Variants in QKI observed in about 807,000 individuals in gnomAD.
The protein encoded by QKI is KH domain-containing RNA-binding protein QKI.
QKI carries 10 observed loss-of-function variants against 39.0 expected under a neutral mutation model. The ratio of observed to expected loss-of-function variants is 0.26; its 90% CI spans 0.16 to 0.43. The LOEUF (loss-of-function observed/expected upper bound fraction) is 0.43, where lower values mean the gene tolerates loss of function less well. QKI is among the 20% of genes least tolerant of loss of function. The pLI, the probability that QKI is intolerant of heterozygous loss-of-function variation, is 1.00. For missense variants in QKI, 218 were observed against 428.0 expected, an observed-to-expected ratio of 0.51 and a Z score of 4.33; for synonymous variants, 204 against 155.4, an observed-to-expected ratio of 1.31 and a Z score of -2.33.
At chr6:163,447,198 TTTTC>T (rs1407281551) in intron 1 of QKI, among the ~76,000 whole-genome samples, 6 of 151,750 alleles carry the variant, frequency 4.0e-5, no homozygotes, top group African/African-American at 1.5e-4. Flanking sequence ...TTGATTTACC[TTTTC>T]TTTATTTTTA....
chr6:163,439,330 G>GTTTTT (rs200238041), intron 1 of QKI, among the ~76,000 whole-genome samples: 1 of 120,706 alleles, frequency 8.3e-6, no homozygotes. Flanking sequence ...ATCCTTCGTG[G>GTTTTT]TTTTTTTTTG....
chr6:163,427,673 C>T (rs1788519531), intron 1 of QKI, among the ~76,000 whole-genome samples: 1 of 151,582 alleles, frequency 6.6e-6, no homozygotes, highest in Non-Finnish European at 1.5e-5. Context: ...GTGTGTGTGC[C>T]TGCATGTGTG....
rs78134487 is a variant in QKI, at chr6:163,486,298, T to A, written c.402+7402T>A. Among the ~76,000 whole-genome samples, 1,025 of 152,296 alleles carry A rather than the reference T, an allele frequency of 6.7e-3. 9 individuals carry two copies. Among genetic ancestry groups the A allele is most frequent in the African/African-American group, 0.023 (945 of 41,546 alleles). On this transcript the variant is annotated intron_variant, in intron 3 of 7. Transcript: ENST00000361752. The stretch of plus-strand genomic sequence containing the variant: ...GGGCTTTGAAATAAATTGGTAATAG[T>A]TTTTAACTTAATATTTGTTTCCCAA...
chr6:163,508,579 G>A (rs1243899264), intron 3 of QKI, among the ~76,000 whole-genome samples: 1 of 149,086 alleles, frequency 6.7e-6, no homozygotes, highest in African/African-American at 2.5e-5. Context: ...GCCCAGGCTG[G>A]AGTGCAGTGG....
At chr6:163,517,700 G>A (rs1683463010) in intron 3 of QKI, among the ~76,000 whole-genome samples, 1 of 152,034 alleles carries the variant, frequency 6.6e-6, no homozygotes, top group African/African-American at 2.4e-5. Flanking sequence ...ATCCCAACTG[G>A]AAACATACAA....
chr6:163,558,309 A>G (rs1487052834), intron 4 of QKI, among the ~76,000 whole-genome samples: 5 of 152,108 alleles, frequency 3.3e-5, no homozygotes, highest in East Asian at 3.9e-4. Context: ...ACCAAATCTC[A>G]TTGTCAAAAC....
intron 4 of QKI, among the ~76,000 whole-genome samples, chr6:163,552,480 G>C (rs377687193): frequency 6.6e-6 from 1 of 152,070 alleles, no homozygotes; most frequent in South Asian, 2.1e-4. Context: ...GAAGTGCTGG[G>C]ATTACAGGCG....
chr6:163,530,361 T>G (rs1780775345), intron 3 of QKI, among the ~76,000 whole-genome samples: 1 of 152,196 alleles, frequency 6.6e-6, no homozygotes, highest in Non-Finnish European at 1.5e-5. Context: ...GGATTCTTAC[T>G]ATGGATATTT....
intron 2 of QKI, among the ~76,000 whole-genome samples, chr6:163,470,336 A>G (rs182682029): frequency 1.0e-3 from 152 of 152,232 alleles, no homozygotes; most frequent in African/African-American, 3.6e-3. Flanking sequence ...AGGAGGTTGC[A>G]GGTCCTCACA....
intron 3 of QKI, among the ~76,000 whole-genome samples, chr6:163,483,905 T>TGAAAGACCTATAGCTAA (rs1262131065): frequency 6.6e-6 from 1 of 152,232 alleles, no homozygotes; most frequent in Non-Finnish European, 1.5e-5. Flanking sequence ...TATAGGCCTA[T>TGAAAGACCTATAGCTAA]GAAAGACATT....
At chr6:163,563,140 C>A (rs1783135495) in intron 5 of QKI, among the ~76,000 whole-genome samples, 1 of 152,140 alleles carries the variant, frequency 6.6e-6, no homozygotes, top group African/African-American at 2.4e-5. Flanking sequence ...TTAGATATAT[C>A]AAATGTATGA....
intron 1 of QKI, among the ~76,000 whole-genome samples, chr6:163,424,199 G>GA (rs965483279): frequency 1.3e-5 from 2 of 151,202 alleles, no homozygotes; most frequent in African/African-American, 2.4e-5. Context: ...ATTTTTTTAA[G>GA]AAAAAAAAAT....
chr6:163,466,434 A>G (rs951810919), intron 2 of QKI, among the ~76,000 whole-genome samples: 1 of 98,050 alleles, frequency 1.0e-5, no homozygotes, highest in East Asian at 3.8e-4. Flanking sequence ...AAAGCACCTA[A>G]TCGCCAAAAC....
intron 2 of QKI, among the ~76,000 whole-genome samples, chr6:163,467,252 A>G (rs745576629): frequency 1.3e-5 from 2 of 152,230 alleles, no homozygotes; most frequent in Non-Finnish European, 2.9e-5. Flanking sequence ...CCATTTCACA[A>G]TGTATACCTT....
intron 3 of QKI, among the ~76,000 whole-genome samples, chr6:163,495,073 A>G (rs1281754118): frequency 6.6e-6 from 1 of 151,826 alleles, no homozygotes; most frequent in African/African-American, 2.4e-5. Context: ...GTGTCAAAAC[A>G]CCTGGCTAAT....
intron 2 of QKI, chr6:163,457,457 C>A: frequency 1.1e-5 from 5 of 455,932 alleles, no homozygotes; most frequent in South Asian, 7.7e-5. Flanking sequence ...ATCGGTGATT[C>A]TCAAAACACA....
intron 1 of QKI, among the ~76,000 whole-genome samples, chr6:163,452,749 C>T (rs1468177038): frequency 3.3e-5 from 5 of 151,634 alleles, no homozygotes; most frequent in Admixed American, 3.3e-4. Flanking sequence ...TTTTTTTAGA[C>T]AGTTTTTTGC....
chr6:163,505,109 G>A (rs1779013570), intron 3 of QKI, among the ~76,000 whole-genome samples: 1 of 152,208 alleles, frequency 6.6e-6, no homozygotes, highest in Admixed American at 6.5e-5. Flanking sequence ...GAGCTTCCAT[G>A]TGGTGTTGGG....
chr6:163,512,465 GT>G (rs1419503036), intron 3 of QKI, among the ~76,000 whole-genome samples: 1 of 152,034 alleles, frequency 6.6e-6, no homozygotes, highest in African/African-American at 2.4e-5. Flanking sequence ...ATGATCCTAA[GT>G]CTCTGTGTAT....
Sources: gnomAD v4.1 joint callset for allele counts (sites outside exome capture counted in the v4.1 genomes callset) on GRCh38, gnomAD v4.1.1 for gene constraint, MANE v1.5 for transcripts, NCBI Gene and HGNC (gene_info 2026-07-23, HGNC 2026-07-21) for gene names.